Variants in TTLL5 observed in about 807,000 individuals in gnomAD.
The protein encoded by TTLL5 is tubulin tyrosine ligase like 5, also known as tubulin polyglutamylase TTLL5.
A neutral mutation model predicts 168.4 loss-of-function variants in TTLL5; 132 were observed. The observed-to-expected ratio is 0.78, with a 90% CI of 0.68 to 0.91. The LOEUF is 0.91. Ranked by LOEUF, TTLL5 falls within the 40% of genes least tolerant of loss-of-function variation. The probability of loss-of-function intolerance (pLI) is 0.00; values close to 1 mark genes in which losing one functional copy is unlikely to be tolerated. For missense variants in TTLL5, 1,545 were observed against 1,581.5 expected (o/e 0.98, Z 0.39); for synonymous variants, 546 against 558.6 (o/e 0.98, Z 0.32).
rs550935179 is a variant in TTLL5 at position 75,694,459 on chromosome 14, C to G, written c.502+4137C>G. On this transcript the variant is annotated intron_variant, in intron 6 of 31. Coordinates refer to ENST00000298832, the MANE Select transcript of TTLL5 (RefSeq NM_015072.5). ...TCAAGCAATTCTTCTGCCTCAACCT[C>G]CTGAGTAGCTGGGATTACAGATGTG... Among the ~76,000 whole-genome samples the G allele has an allele frequency of 2.6e-5, 4 of 152,262 alleles. No homozygotes were observed. The South Asian group carries it at 8.3e-4, about 32-fold the overall frequency.
At chr14:75,788,073 C>T (rs960524418) in intron 26 of TTLL5, among the ~76,000 whole-genome samples, 4 of 151,940 alleles carry the variant, frequency 2.6e-5, no homozygotes, top group Non-Finnish European at 5.9e-5. Flanking sequence ...ATTGCTTGAG[C>T]GCAGGAGTTC....
At chr14:75,778,374 A>G (rs1289581989) in intron 23 of TTLL5, among the ~76,000 whole-genome samples, 1 of 152,232 alleles carries the variant, frequency 6.6e-6, no homozygotes, top group Non-Finnish European at 1.5e-5. Flanking sequence ...TGAAGTGGGC[A>G]AAGGATAAGA....
chr14:75,702,359 A>G (rs1016104204), intron 7 of TTLL5, among the ~76,000 whole-genome samples: 4 of 152,164 alleles, frequency 2.6e-5, no homozygotes, highest in African/African-American at 9.7e-5. Context: ...CAGGAGCTCC[A>G]GTGTTGTTTG....
intron 31 of TTLL5, among the ~76,000 whole-genome samples, chr14:75,927,820 A>C (rs1046182656): frequency 2.6e-5 from 4 of 152,180 alleles, no homozygotes; most frequent in African/African-American, 7.2e-5. Context: ...GAGGACCTTG[A>C]CTATAGTTTC....
intron 22 of TTLL5, 129 bp from the exon 23 acceptor site, chr14:75,776,618 A>T: frequency 3.6e-6 from 2 of 549,486 alleles, no homozygotes; most frequent in Non-Finnish European, 3.1e-6. Flanking sequence ...AAAAGTACAT[A>T]CAAGAATTAA....
chr14:75,771,586 TC>T (rs1406488570), intron 20 of TTLL5, 147 bp from the exon 21 acceptor site: 1 of 1,111,926 alleles, frequency 9.0e-7, no homozygotes, highest in Non-Finnish European at 1.3e-6. Flanking sequence ...TTAGAAGGAA[TC>T]CTTATTCACA....
In TTLL5 at chr14:75,669,415, G is replaced by A. The variant is rs775722558; in HGVS notation, c.75-1G>A. Reference sequence around the variant, plus strand: ...TAATGAAGGCTTTTTTGTCGTTATAGGGATCATCCATGCATCATGTGGACT... The same window carrying A: ...TAATGAAGGCTTTTTTGTCGTTATAAGGATCATCCATGCATCATGTGGACT... On this transcript the variant is annotated splice_acceptor_variant, in intron 2 of 31. Transcript: ENST00000298832. LOFTEE classifies it high-confidence loss of function. 6.2e-7 allele frequency: 1 copy of A among 1,612,242 alleles called. No homozygotes were observed. The highest frequency in any genetic ancestry group is 1.1e-5 in the South Asian group (1 of 90,878).
intron 28 of TTLL5, among the ~76,000 whole-genome samples, chr14:75,830,662 T>C (rs1397392000): frequency 6.6e-6 from 1 of 152,276 alleles, no homozygotes. Flanking sequence ...TCCTCACTTA[T>C]GCCATTCTGT....
intron 18 of TTLL5, among the ~76,000 whole-genome samples, chr14:75,760,190 T>A (rs1303835083): frequency 6.6e-6 from 1 of 152,120 alleles, no homozygotes; most frequent in East Asian, 1.9e-4. Context: ...TGTATCTTAA[T>A]GTACTAGTAG....
intron 29 of TTLL5, among the ~76,000 whole-genome samples, chr14:75,872,579 C>T (rs2031123452): frequency 6.6e-6 from 1 of 152,050 alleles, no homozygotes; most frequent in South Asian, 2.1e-4. Context: ...AATGAGATAA[C>T]ATAAAGCACT....
At chr14:75,888,531 C>T (rs993670751) in intron 30 of TTLL5, among the ~76,000 whole-genome samples, 20 of 152,230 alleles carry the variant, frequency 1.3e-4, no homozygotes, top group Non-Finnish European at 2.2e-4. Context: ...TCAGTTTCTC[C>T]GTGAATATAA....
chr14:75,876,105 A>G (rs1221796343), intron 29 of TTLL5, among the ~76,000 whole-genome samples: 1 of 152,212 alleles, frequency 6.6e-6, no homozygotes, highest in Non-Finnish European at 1.5e-5. Flanking sequence ...TTTTGTGGCT[A>G]GATGAAGGTG....
At chr14:75,791,905 T>TTTTTA (rs1348160870) in intron 26 of TTLL5, among the ~76,000 whole-genome samples, 4 of 151,972 alleles carry the variant, frequency 2.6e-5, no homozygotes, top group African/African-American at 9.7e-5. Flanking sequence ...AAAATGTGAA[T>TTTTTA]TTTTATTTTA....
intron 30 of TTLL5, among the ~76,000 whole-genome samples, chr14:75,897,834 A>G (rs940428456): frequency 7.9e-5 from 12 of 152,184 alleles, no homozygotes; most frequent in Admixed American, 2.6e-4. Flanking sequence ...TAAGACCATT[A>G]CCAGAGCTGA....
chr14:75,837,793 A>C (rs1895951614), intron 28 of TTLL5, among the ~76,000 whole-genome samples: 1 of 152,194 alleles, frequency 6.6e-6, no homozygotes, highest in Non-Finnish European at 1.5e-5. Flanking sequence ...TACAGGCTGA[A>C]TAATATAAAA....
intron 27 of TTLL5, among the ~76,000 whole-genome samples, chr14:75,797,841 A>G (rs1893076439): frequency 6.6e-6 from 1 of 151,858 alleles, no homozygotes; most frequent in East Asian, 1.9e-4. Context: ...TACTTGTGTA[A>G]CAACCTAGAA....
Position 75,847,665 on chromosome 14 carries a change from A to T in TTLL5, c.3327-16002A>T, listed in dbSNP as rs537661530. On this transcript the variant is annotated intron_variant, in intron 28 of 31. Transcript: ENST00000298832. ...AAACTAAGCACAGAGAAATGAAATC[A>T]CTTGCCCAAGATAACACAGTTGATG... 9 of 152,170 alleles carry T rather than the reference A, an allele frequency of 5.9e-5. No homozygotes were observed. The East Asian group carries it at 1.7e-3, about 29-fold the overall frequency. The allele number at this position is 152,170 out of a possible 1,614,324, so 9.4% of individuals were successfully genotyped here. A position where few individuals can be genotyped will look rare whatever the true frequency, so the allele number is the denominator to read the frequency against.
At chr14:75,837,616 C>T (rs143594046) in intron 28 of TTLL5, among the ~76,000 whole-genome samples, 6 of 152,204 alleles carry the variant, frequency 3.9e-5, no homozygotes, top group Admixed American at 2.0e-4. Flanking sequence ...CTCCCCCCAA[C>T]GCCTGGACAC....
At chr14:75,942,826 G>T (rs999714333) in intron 31 of TTLL5, among the ~76,000 whole-genome samples, 1 of 152,194 alleles carries the variant, frequency 6.6e-6, no homozygotes, top group African/African-American at 2.4e-5. Flanking sequence ...GATAGTTGCC[G>T]AACTGGCATG....
Sources: gnomAD v4.1 joint callset for allele counts (sites outside exome capture counted in the v4.1 genomes callset) on GRCh38, gnomAD v4.1.1 for gene constraint, MANE v1.5 for transcripts, NCBI Gene and HGNC (gene_info 2026-07-23, HGNC 2026-07-21) for gene names.